PLAC1: variants seen among roughly 807,000 people sequenced by gnomAD.
The protein encoded by PLAC1 is placenta-specific protein 1.
For missense variants in PLAC1, 136 were observed against 163.2 expected (o/e 0.83, Z 0.91); for synonymous variants, 68 against 62.1 (o/e 1.09, Z -0.44).
At chrX:134,619,861 A>G (rs1438085963) in intron 1 of PLAC1, among the ~76,000 whole-genome samples, 4 of 111,715 alleles carry the variant, frequency 3.6e-5, no homozygotes, top group Non-Finnish European at 5.6e-5. Flanking sequence ...CTAGTGCCCC[A>G]TGCAATTAGA....
intron 2 of PLAC1, among the ~76,000 whole-genome samples, chrX:134,579,738 G>A (rs911611028): frequency 1.8e-5 from 2 of 111,431 alleles, no homozygotes; most frequent in African/African-American, 6.5e-5. Context: ...GACTCCAGCT[G>A]AGCGGTGGTT....
upstream of PLAC1, among the ~76,000 whole-genome samples, chrX:134,663,340 A>G (rs1370053828): frequency 8.8e-6 from 1 of 113,224 alleles, no homozygotes; most frequent in African/African-American, 3.2e-5. Flanking sequence ...AGGCATGAGT[A>G]TGAATGTTAA....
At chrX:134,609,333 A>G (rs2078141302) in intron 1 of PLAC1, among the ~76,000 whole-genome samples, 1 of 111,673 alleles carries the variant, frequency 9.0e-6, no homozygotes, top group Admixed American at 9.5e-5. Flanking sequence ...TTATAAGATT[A>G]TTTGTTCAAT....
intron 2 of PLAC1, among the ~76,000 whole-genome samples, chrX:134,579,946 G>A (rs1390853415): frequency 8.1e-5 from 9 of 111,588 alleles, no homozygotes; most frequent in East Asian, 2.8e-4. Flanking sequence ...AAAATTGATC[G>A]CTCTGCATTT....
Position 134,683,151 on chromosome X carries a change from G to A in PLAC1, n.174+50284C>T, listed in dbSNP as rs1384762921. Among the ~76,000 whole-genome samples, 4 of 111,458 alleles carry A rather than the reference G, an allele frequency of 3.6e-5. No individual in the cohort carries two copies. In the South Asian group the frequency reaches 1.1e-3, roughly 32 times the overall value. On this transcript the variant is annotated intron_variant and non_coding_transcript_variant, in intron 2 of 2. Coordinates refer to the PLAC1 transcript ENST00000466797. ...TCAGTACACAAAGAAAAATCAAGAA[G>A]TAGATAGCTTTAAAGTTTTCATTTT...
At chrX:134,572,171 A>G (rs1209463324) in intron 2 of PLAC1, among the ~76,000 whole-genome samples, 2 of 111,441 alleles carry the variant, frequency 1.8e-5, no homozygotes, top group Non-Finnish European at 3.8e-5. Context: ...CAAGACAAGA[A>G]CGGAAAAAAA....
chrX:134,652,709 C>CCTCACAGTG (rs2078369522), intron 1 of PLAC1, among the ~76,000 whole-genome samples: 1 of 109,863 alleles, frequency 9.1e-6, no homozygotes, highest in Non-Finnish European at 1.9e-5. Flanking sequence ...ATAACATCTA[C>CCTCACAGTG]CTCACAGTGC....
intron 2 of PLAC1, among the ~76,000 whole-genome samples, chrX:134,598,430 G>T (rs1360068347): frequency 9.0e-6 from 1 of 111,550 alleles, no homozygotes; most frequent in Non-Finnish European, 1.9e-5. Context: ...CGACTCTCAG[G>T]GTATTTGATG....
At chrX:134,682,371 C>T (rs2078500797) in intron 2 of PLAC1, among the ~76,000 whole-genome samples, 2 of 111,682 alleles carry the variant, frequency 1.8e-5, no homozygotes, top group Admixed American at 1.9e-4. Context: ...CTTCACAGGG[C>T]AGCTGGATGG....
At chrX:134,709,270 G>T (rs1255126129) in intron 2 of PLAC1, among the ~76,000 whole-genome samples, 4 of 112,141 alleles carry the variant, frequency 3.6e-5, no homozygotes, top group South Asian at 7.3e-4. Context: ...GAATATACAA[G>T]ACAATTGTGA....
intron 2 of PLAC1, among the ~76,000 whole-genome samples, chrX:134,688,169 C>T (rs1291704288): frequency 9.1e-6 from 1 of 110,380 alleles, no homozygotes; most frequent in East Asian, 2.9e-4. Flanking sequence ...CTGCTGTTTT[C>T]GCCAATTCAG....
upstream of PLAC1, among the ~76,000 whole-genome samples, chrX:134,661,322 G>A (rs1262743269): frequency 5.4e-5 from 6 of 111,739 alleles, no homozygotes; most frequent in South Asian, 1.1e-3. Flanking sequence ...TCTCTCTCGC[G>A]TTCTGCTGTG....
upstream of PLAC1, among the ~76,000 whole-genome samples, chrX:134,659,213 T>TA (rs895832297): frequency 7.4e-5 from 8 of 107,827 alleles, no homozygotes; most frequent in East Asian, 5.7e-4. Flanking sequence ...ACTTAAAATT[T>TA]AAAAAAAAAA....
At chrX:134,618,040 C>A (rs749867516) in intron 1 of PLAC1, among the ~76,000 whole-genome samples, 2 of 111,842 alleles carry the variant, frequency 1.8e-5, no homozygotes, top group African/African-American at 6.5e-5. Context: ...GGTCAAAGCA[C>A]CGACTGGAAC....
chrX:134,631,424 G>A (rs1026495043), intron 1 of PLAC1, among the ~76,000 whole-genome samples: 6 of 112,029 alleles, frequency 5.4e-5, no homozygotes, highest in Non-Finnish European at 1.1e-4. Context: ...TGGAAGCCAC[G>A]GATGGCCCTA....
Position 134,707,108 on chromosome X carries a change from C to G in PLAC1, n.174+26327G>C, listed in dbSNP as rs778133729. 8.9e-4 allele frequency among the ~76,000 whole-genome samples: 99 copies of G among 111,649 alleles called. 1 individual carries two copies. Among genetic ancestry groups the G allele is most frequent in the South Asian group, 1.9e-3 (5 of 2,682 alleles). On this transcript the variant is annotated intron_variant and non_coding_transcript_variant, in intron 2 of 2. Transcript: ENST00000466797. ...TACATTAAACCCAAAGAAATCCAGG[C>G]CAAAACCCAGTGACTGTAGATTTCT...
chrX:134,696,768 C>T (rs1305758668), intron 2 of PLAC1, among the ~76,000 whole-genome samples: 1 of 111,330 alleles, frequency 9.0e-6, no homozygotes, highest in Non-Finnish European at 1.9e-5. Context: ...GTGGCTCACG[C>T]CTGTAATCCC....
At chrX:134,622,941 G>T (rs1485800535) in intron 1 of PLAC1, among the ~76,000 whole-genome samples, 1 of 111,723 alleles carries the variant, frequency 9.0e-6, no homozygotes, top group Non-Finnish European at 1.9e-5. Context: ...TTTTATCTGT[G>T]TGTGGTAAAA....
rs767637454 is a variant in PLAC1 at position 134,592,055 on chromosome X, G to C, written c.-59+9996C>G. Among the ~76,000 whole-genome samples the C allele has an allele frequency of 2.2e-4, 25 of 111,795 alleles. No individual in the cohort carries two copies. In the South Asian group the frequency reaches 9.3e-3, roughly 42 times the overall value. ...TCTAGATATGTGTCAGTTGTCAGAT[G>C]TGTGGTTTGAAAATATTTTCTCCCA... On this transcript the variant is annotated intron_variant, in intron 2 of 2. Coordinates refer to ENST00000359237, the MANE Select transcript of PLAC1 (RefSeq NM_021796.4).
Sources: allele counts gnomAD v4.1 joint callset (sites outside exome capture counted in the v4.1 genomes callset), GRCh38; gene constraint gnomAD v4.1.1; transcripts MANE v1.5; gene names NCBI Gene and HGNC (gene_info 2026-07-23, HGNC 2026-07-21).